Variants in VPS13D observed in about 807,000 individuals in gnomAD.
The protein encoded by VPS13D is intermembrane lipid transfer protein VPS13D.
A neutral mutation model predicts 461.9 loss-of-function variants in VPS13D; 187 were observed. That is an observed-to-expected ratio of 0.40 (90% CI 0.36 to 0.46). The LOEUF is 0.46. VPS13D is among the 20% of genes least tolerant of loss of function. The pLI, the probability that VPS13D is intolerant of heterozygous loss-of-function variation, is 0.60. For missense variants in VPS13D, 4,711 were observed against 5,364.9 expected, an observed-to-expected ratio of 0.88 and a Z score of 3.81; for synonymous variants, 1,951 against 1,986.3, an observed-to-expected ratio of 0.98 and a Z score of 0.47.
chr1:12,500,399 T>C (rs1032826680), intron 68 of VPS13D, among the ~76,000 whole-genome samples: 3 of 152,216 alleles, frequency 2.0e-5, no homozygotes, highest in African/African-American at 7.2e-5. Flanking sequence ...AATTTTTCTT[T>C]CTAACTCATG....
At chr1:12,488,369 G>A (rs1347309959) in intron 67 of VPS13D, among the ~76,000 whole-genome samples, 2 of 152,156 alleles carry the variant, frequency 1.3e-5, no homozygotes, top group African/African-American at 4.8e-5. Context: ...AGGAATCTGA[G>A]GCTAAGAACA....
chr1:12,438,932 A>C (rs1250167778), intron 65 of VPS13D, among the ~76,000 whole-genome samples: 7 of 152,158 alleles, frequency 4.6e-5, no homozygotes. Context: ...GTCATGCCGC[A>C]TGTCCAGTCC....
intron 26 of VPS13D, 96 bp from the exon 27 acceptor site, chr1:12,308,335 A>G: frequency 7.5e-7 from 1 of 1,340,506 alleles, no homozygotes; most frequent in Non-Finnish European, 1.0e-6. Flanking sequence ...AAACATTTTC[A>G]AAGACAGAAT....
rs959463348 is a variant in VPS13D, at chr1:12,477,607, T to G, written c.12662+17211T>G. The stretch of plus-strand genomic sequence containing the variant: ...CCATGTGAGCTGCTTGTTTAACACT[T>G]TGGATGCTAATCAGAGCATTAATGA... On this transcript the variant is annotated intron_variant, in intron 67 of 69. Coordinates refer to ENST00000620676, the MANE Select transcript of VPS13D (RefSeq NM_015378.4). Among the ~76,000 whole-genome samples the G allele has an allele frequency of 2.6e-5, 4 of 152,254 alleles. No homozygotes were observed. In the South Asian group the frequency reaches 6.2e-4, roughly 24 times the overall value.
intron 5 of VPS13D, among the ~76,000 whole-genome samples, chr1:12,246,634 C>T (rs1016136330): frequency 3.7e-4 from 56 of 152,100 alleles, no homozygotes; most frequent in Admixed American, 5.2e-4. Context: ...TTTCAGTAAA[C>T]GTGCTATAAG....
At chr1:12,407,341 AG>A (rs1477380473) in intron 63 of VPS13D, 1 of 152,236 alleles carries the variant, frequency 6.6e-6, no homozygotes, top group African/African-American at 2.4e-5. Flanking sequence ...GTATATAGAC[AG>A]GTATTTCTTC....
rs1641652500 is a variant in VPS13D at position 12,277,592 on chromosome 1, A to C, written c.4004A>C (p.Glu1335Ala). ...VTTVLATKTA[E>A]YSEMVSLFET... The stretch of plus-strand genomic sequence containing the variant: ...ACAGTACTAGCTACCAAGACTGCCG[A>C]GTATAGCGAGATGGTATCGCTCTTT... Residue 1335 changes from glutamate (E) to alanine (A), a missense_variant, in exon 19 of 70, where the codon GAG (glutamate) becomes GCG (alanine). Transcript: ENST00000620676. 1 of 1,613,992 alleles carries C rather than the reference A, an allele frequency of 6.2e-7. No homozygotes were observed. The highest frequency in any genetic ancestry group is 8.5e-7 in the Non-Finnish European group (1 of 1,180,040).
In VPS13D at chr1:12,276,971, A is replaced by C; in HGVS notation, c.3383A>C (p.Lys1128Thr). Reference sequence around the variant, plus strand: ...GTGGAGCTAATTGGTTTTCTTCAAAAATCCTTTCCCAAGGAAAAAGATGAT... The same window carrying C: ...GTGGAGCTAATTGGTTTTCTTCAAACATCCTTTCCCAAGGAAAAAGATGAT... ...TIVELIGFLQ[K>T]SFPKEKDDLS... Residue 1128 changes from lysine (K) to threonine (T), a missense_variant, in exon 19 of 70, where the codon AAA becomes ACA. Physicochemically the swap from Lys to Thr is moderately conservative, Grantham distance 78 (BLOSUM62 -1). Coordinates refer to ENST00000620676, the MANE Select transcript of VPS13D (RefSeq NM_015378.4). The surrounding 1 kb of genome is among the most constrained non-coding windows in gnomAD (Gnocchi z 4.5). 6.2e-7 allele frequency: 1 copy of C among 1,614,112 alleles called. No homozygotes were observed. The highest frequency in any genetic ancestry group is 1.3e-5 in the African/African-American group (1 of 75,014).
chr1:12,263,057 A>C (rs1224943436), intron 13 of VPS13D, among the ~76,000 whole-genome samples: 5 of 152,170 alleles, frequency 3.3e-5, no homozygotes, highest in African/African-American at 1.2e-4. Flanking sequence ...ATCCTAAGTC[A>C]AGGAGCATTG....
chr1:12,444,438 G>A (rs1355951811), intron 65 of VPS13D, among the ~76,000 whole-genome samples: 1 of 152,010 alleles, frequency 6.6e-6, no homozygotes, highest in African/African-American at 2.4e-5. Context: ...GAAACTCTTG[G>A]CCAGCGTCAC....
chr1:12,311,730 A>G (rs1642756656), intron 28 of VPS13D, 83 bp from the exon 29 acceptor site: 1 of 1,583,030 alleles, frequency 6.3e-7, no homozygotes, highest in African/African-American at 1.4e-5. Flanking sequence ...TGGAGCAACA[A>G]GCAAATTAGA....
chr1:12,470,609 A>T (rs995868081), intron 67 of VPS13D, among the ~76,000 whole-genome samples: 1 of 152,256 alleles, frequency 6.6e-6, no homozygotes, highest in Non-Finnish European at 1.5e-5. Context: ...TCAGGCATTT[A>T]ATAAGTATTA....
intron 46 of VPS13D, among the ~76,000 whole-genome samples, chr1:12,351,128 C>T (rs1448970865): frequency 6.6e-6 from 1 of 152,138 alleles, no homozygotes; most frequent in Non-Finnish European, 1.5e-5. Flanking sequence ...GAAATAATAA[C>T]AGTTTTACAC....
At chr1:12,426,266 T>C (rs12130049) in intron 65 of VPS13D, among the ~76,000 whole-genome samples, 136,320 of 152,182 alleles carry the variant, frequency 0.9, 61,492 homozygotes, top group African/African-American at 0.94. Flanking sequence ...CCGCCTGGCC[T>C]GGGAAGCAGA....
At chr1:12,300,092 C>T (rs997633244) in intron 25 of VPS13D, among the ~76,000 whole-genome samples, 2 of 151,068 alleles carry the variant, frequency 1.3e-5, no homozygotes, top group African/African-American at 4.9e-5. Context: ...TGTGAGCTCT[C>T]TTAGCAAATT....
intron 65 of VPS13D, among the ~76,000 whole-genome samples, chr1:12,435,270 G>A (rs986930595): frequency 4.6e-5 from 7 of 151,124 alleles, no homozygotes; most frequent in African/African-American, 1.7e-4. Context: ...ACCAGCCTGG[G>A]CAACATGACC....
intron 8 of VPS13D, 98 bp downstream of exon 8, chr1:12,256,601 A>C (rs1312506616): frequency 2.2e-6 from 3 of 1,347,424 alleles, no homozygotes; most frequent in Non-Finnish European, 2.0e-6. Context: ...AAGAAAGTTC[A>C]TGTGAGACCA....
chr1:12,315,430 C>T (rs1205939662), intron 30 of VPS13D, among the ~76,000 whole-genome samples: 1 of 152,152 alleles, frequency 6.6e-6, no homozygotes, highest in Non-Finnish European at 1.5e-5. Flanking sequence ...TTTTTATGAA[C>T]TTTAAAAGTT....
intron 67 of VPS13D, among the ~76,000 whole-genome samples, chr1:12,480,796 G>C (rs1645704838): frequency 6.6e-6 from 1 of 152,192 alleles, no homozygotes; most frequent in Admixed American, 6.5e-5. Context: ...GACAAAGAGG[G>C]CACTAACTAG....
Sources: gnomAD v4.1 joint callset for allele counts (sites outside exome capture counted in the v4.1 genomes callset) on GRCh38, gnomAD v4.1.1 for gene constraint, Gnocchi (gnomAD v3.1) non-coding constraint, MANE v1.5 for transcripts, NCBI Gene and HGNC (gene_info 2026-07-23, HGNC 2026-07-21) for gene names.